LIPA: variants seen among roughly 807,000 people sequenced by gnomAD.
The protein encoded by LIPA is lipase A, lysosomal acid type.
In LIPA, 26 loss-of-function variants were observed where a neutral mutation model predicts 40.6. That is an observed-to-expected ratio of 0.64 (90% CI 0.47 to 0.89). The LOEUF (loss-of-function observed/expected upper bound fraction) is 0.89. Among genes scored for constraint, LIPA ranks in the 40% least tolerant of loss-of-function variants. The pLI, the probability that LIPA is intolerant of heterozygous loss-of-function variation, is 0.00. For missense variants in LIPA, 455 were observed against 479.6 expected (o/e 0.95, Z 0.48); for synonymous variants, 188 against 168.4 (o/e 1.12, Z -0.90).
intron 1 of LIPA, among the ~76,000 whole-genome samples, chr10:89,317,565 T>A (rs1392472800): frequency 6.6e-6 from 1 of 152,158 alleles, no homozygotes; most frequent in East Asian, 1.9e-4. Context: ...TATGGGACTA[T>A]GTGAAAAGAC....
intron 2 of LIPA, among the ~76,000 whole-genome samples, chr10:89,411,610 G>A (rs1047628586): frequency 1.3e-5 from 2 of 152,216 alleles, no homozygotes; most frequent in African/African-American, 4.8e-5. Flanking sequence ...TTCTCAGACA[G>A]TTTGCATGAA....
At chr10:89,403,322 G>A (rs1482429205) in intron 2 of LIPA, 1 of 1,613,358 alleles carries the variant, frequency 6.2e-7, no homozygotes, top group Non-Finnish European at 8.5e-7. Context: ...TGGCAAGAAT[G>A]TATATAGAAG....
chr10:89,278,803 ATAT>A (rs1348100000), intron 1 of LIPA, among the ~76,000 whole-genome samples: 2 of 151,638 alleles, frequency 1.3e-5, no homozygotes, highest in African/African-American at 2.4e-5. Context: ...TGTTATAGTA[ATAT>A]TATTTACATA....
chr10:89,410,940 G>A (rs1302438074), intron 2 of LIPA, among the ~76,000 whole-genome samples: 2 of 152,202 alleles, frequency 1.3e-5, no homozygotes, highest in African/African-American at 4.8e-5. Flanking sequence ...GAGAGAGGAA[G>A]AGAGAGACGA....
intron 2 of LIPA, chr10:89,402,428 T>G (rs1564810250): frequency 1.9e-6 from 3 of 1,614,146 alleles, no homozygotes; most frequent in East Asian, 2.2e-5. Context: ...CCAAATACAG[T>G]GTGGGAATAC....
At chr10:89,373,334 CAAAAAAAAAAAAAA>C in intron 2 of LIPA, among the ~76,000 whole-genome samples, 1 of 63,152 alleles carries the variant, frequency 1.6e-5, no homozygotes, top group South Asian at 6.5e-4. Context: ...GACTCCCTCT[CAAAAAAAAAAAAAA>C]AAAAAAAAAA....
intron 1 of LIPA, chr10:89,305,936 G>A (rs760614873): frequency 6.8e-5 from 104 of 1,521,060 alleles, no homozygotes; most frequent in South Asian, 9.3e-5. Context: ...GTGTCTCAAA[G>A]TCCATCTTTG....
upstream of LIPA, among the ~76,000 whole-genome samples, chr10:89,345,374 C>T (rs929534733): frequency 3.3e-5 from 5 of 151,734 alleles, no homozygotes; most frequent in African/African-American, 9.7e-5. Context: ...ACTAAAAATA[C>T]AAAAATTAGC....
At chr10:89,339,688 C>G (rs1368992868) in intron 1 of LIPA, 4 of 1,614,174 alleles carry the variant, frequency 2.5e-6, no homozygotes, top group Non-Finnish European at 2.5e-6. Context: ...GGAATGTTAT[C>G]AGACACCATT....
At chr10:89,246,493 T>C (rs866003254) in intron 2 of LIPA, among the ~76,000 whole-genome samples, 1 of 152,182 alleles carries the variant, frequency 6.6e-6, no homozygotes, top group Non-Finnish European at 1.5e-5. Context: ...GTTGGAAAAA[T>C]TGGGAGGCAA....
chr10:89,321,088 A>T (rs1367525650), intron 1 of LIPA, among the ~76,000 whole-genome samples: 3 of 152,006 alleles, frequency 2.0e-5, no homozygotes, highest in Non-Finnish European at 4.4e-5. Flanking sequence ...TAAAGATTTA[A>T]ATGTTAGACC....
chr10:89,402,138 A>G (rs1844434888), intron 2 of LIPA: 1 of 628,238 alleles, frequency 1.6e-6, no homozygotes, highest in African/African-American at 1.8e-5. Context: ...GTCCATGAAT[A>G]ACTTAAAAAT....
Position 89,350,955 on chromosome 10 carries a change from C to T in LIPA, c.61+61836G>A, listed in dbSNP as rs1177886645. Among the ~76,000 whole-genome samples the T allele has an allele frequency of 4.6e-5, 7 of 152,138 alleles. No homozygotes were observed. The East Asian group carries it at 1.3e-3, about 29-fold the overall frequency. On this transcript the variant is annotated intron_variant, in intron 2 of 8. Coordinates refer to the LIPA transcript ENST00000371837. ...ACAACTGAGTTTTTGCTTACACACT[C>T]TTTCATTTCTTTTAATTTCTGTTTC...
chr10:89,329,670 C>T (rs1310275875), intron 1 of LIPA, among the ~76,000 whole-genome samples: 1 of 152,160 alleles, frequency 6.6e-6, no homozygotes, highest in Non-Finnish European at 1.5e-5. Flanking sequence ...TCTGTTGCTC[C>T]CTTTACACAC....
At chr10:89,331,858 C>CAAAAAAAAAAAAAA (rs10540155) in intron 1 of LIPA, among the ~76,000 whole-genome samples, 1 of 80,606 alleles carries the variant, frequency 1.2e-5, no homozygotes, top group Non-Finnish European at 2.6e-5. Flanking sequence ...GATCCTGTCT[C>CAAAAAAAAAAAAAA]AAAAAAAAAA....
At chr10:89,253,422 C>A (rs551784897), upstream of LIPA, among the ~76,000 whole-genome samples, 2 of 152,170 alleles carry the variant, frequency 1.3e-5, no homozygotes, top group Non-Finnish European at 2.9e-5. Context: ...AACCATCAGA[C>A]CTTGTGAGAC....
chr10:89,221,290 G>A (rs1258868161), intron 8 of LIPA, among the ~76,000 whole-genome samples: 2 of 152,088 alleles, frequency 1.3e-5, no homozygotes, highest in East Asian at 1.9e-4. Context: ...GGGAGGCGGA[G>A]GTTGCAGTGA....
chr10:89,220,495 G>A (rs1224236014), intron 8 of LIPA, among the ~76,000 whole-genome samples: 1 of 152,178 alleles, frequency 6.6e-6, no homozygotes. Flanking sequence ...CCTGAACCAA[G>A]AACGAAAATC....
intron 1 of LIPA, among the ~76,000 whole-genome samples, chr10:89,331,261 C>T (rs1843646785): frequency 1.3e-5 from 2 of 152,186 alleles, no homozygotes; most frequent in South Asian, 2.1e-4. Context: ...CAGCCTCAGA[C>T]TCCTGGGCTC....
Sources: allele counts gnomAD v4.1 joint callset (sites outside exome capture counted in the v4.1 genomes callset), GRCh38; gene constraint gnomAD v4.1.1; transcripts MANE v1.5; gene names NCBI Gene and HGNC (gene_info 2026-07-23, HGNC 2026-07-21).